The following CCDC146 variants were observed in gnomAD, a reference collection of about 807,000 sequenced individuals.
CCDC146 encodes coiled-coil domain-containing protein 146.
CCDC146 carries 92 observed loss-of-function variants against 119.3 expected under a neutral mutation model. That is an observed-to-expected ratio of 0.77 (90% confidence interval 0.65 to 0.92). The LOEUF (loss-of-function observed/expected upper bound fraction) is 0.92. Among genes scored for constraint, CCDC146 ranks in the 40% least tolerant of loss-of-function variants. CCDC146 has a pLI of 0.00. For missense variants in CCDC146, 1,000 were observed against 1,103.0 expected (o/e 0.91, Z 1.32); for synonymous variants, 372 against 371.8 (o/e 1.00, Z -0.01).
chr7:77,142,301 T>C (rs987643463), intron 1 of CCDC146, among the ~76,000 whole-genome samples: 2 of 138,946 alleles, frequency 1.4e-5, no homozygotes, highest in Admixed American at 1.5e-4. Context: ...ATGACATGAT[T>C]GTACATTTAT....
rs1469324598 is a variant in CCDC146, at chr7:77,274,464, T to C, written c.1270-18T>C. 4 of 1,429,046 alleles carry C rather than the reference T, an allele frequency of 2.8e-6. No individual in the cohort carries two copies. Among genetic ancestry groups the C allele is most frequent in the Non-Finnish European group, 2.8e-6 (3 of 1,056,522 alleles). 88.5% of individuals were successfully genotyped at this position (1,429,046 alleles called of 1,614,324 possible). ...CAAACAAATAACTTATAATATTATC[T>C]GTGTTTTTTTTCAAAAGAAAATTAT... On this transcript the variant is annotated intron_variant, in intron 10 of 18. Transcript: ENST00000285871.
chr7:77,235,170 A>G (rs1792710743), intron 2 of CCDC146, among the ~76,000 whole-genome samples: 1 of 152,178 alleles, frequency 6.6e-6, no homozygotes, highest in Admixed American at 6.5e-5. Flanking sequence ...GGATACAGTG[A>G]AGGACAAGGT....
At chr7:77,288,397 G>C (rs1793886319) in intron 17 of CCDC146, among the ~76,000 whole-genome samples, 1 of 152,224 alleles carries the variant, frequency 6.6e-6, no homozygotes, top group African/African-American at 2.4e-5. Flanking sequence ...GTCTTGCCAG[G>C]CTTCCTGTGG....
chr7:77,236,124 T>C (rs1336314304), intron 2 of CCDC146, among the ~76,000 whole-genome samples: 1 of 144,580 alleles, frequency 6.9e-6, no homozygotes, highest in Admixed American at 6.9e-5. Flanking sequence ...AAAACACAAA[T>C]ATTCTCTTTA....
intron 2 of CCDC146, among the ~76,000 whole-genome samples, chr7:77,188,067 G>A (rs562713011): frequency 6.6e-6 from 1 of 152,138 alleles, no homozygotes; most frequent in Non-Finnish European, 1.5e-5. Context: ...CCTCGCTTCC[G>A]ATTCCTGTAC....
At chr7:77,287,074 A>G (rs1487690680) in intron 16 of CCDC146, 148 bp downstream of exon 16, 7 of 892,756 alleles carry the variant, frequency 7.8e-6, no homozygotes, top group Non-Finnish European at 1.2e-5. Context: ...ATCTAGTCAT[A>G]CATTCTAAGC....
At chr7:77,235,952 TC>T (rs1254259890) in intron 2 of CCDC146, among the ~76,000 whole-genome samples, 1 of 152,002 alleles carries the variant, frequency 6.6e-6, no homozygotes, top group East Asian at 1.9e-4. Context: ...GCCCCTGTGG[TC>T]CCAGCTACTT....
intron 2 of CCDC146, among the ~76,000 whole-genome samples, chr7:77,212,949 A>ATTTTTTT (rs1562834935): frequency 1.6e-5 from 2 of 122,846 alleles, no homozygotes; most frequent in African/African-American, 6.8e-5. Flanking sequence ...AGGTCACATT[A>ATTTTTTT]ATTTTTTTTT....
intron 5 of CCDC146, among the ~76,000 whole-genome samples, chr7:77,255,727 A>C (rs1435614815): frequency 6.6e-6 from 1 of 152,140 alleles, no homozygotes; most frequent in Non-Finnish European, 1.5e-5. Flanking sequence ...TCTCTCCCAT[A>C]AGTCAAACCC....
At chr7:77,138,231 G>T (rs1174304207) in intron 1 of CCDC146, among the ~76,000 whole-genome samples, 1 of 151,310 alleles carries the variant, frequency 6.6e-6, no homozygotes, top group Non-Finnish European at 1.5e-5. Flanking sequence ...AAGGAATAAA[G>T]GCAATACAAT....
chr7:77,204,686 G>T (rs145301304), intron 2 of CCDC146, among the ~76,000 whole-genome samples: 2 of 152,288 alleles, frequency 1.3e-5, no homozygotes, highest in East Asian at 3.9e-4. Context: ...GTCTCGGAAA[G>T]TTCATCAGTC....
chr7:77,127,608 C>T (rs1790707497), intron 1 of CCDC146, among the ~76,000 whole-genome samples: 1 of 152,014 alleles, frequency 6.6e-6, no homozygotes, highest in Non-Finnish European at 1.5e-5. Context: ...ATTAGAAGGG[C>T]AAATGTTGCC....
At chr7:77,246,395 A>G (rs563025361) in intron 4 of CCDC146, 1 of 152,324 alleles carries the variant, frequency 6.6e-6, no homozygotes, top group South Asian at 2.1e-4. Context: ...CTTCACCCAT[A>G]GATCCTTAAA....
At chr7:77,239,443 T>C (rs981178673) in intron 3 of CCDC146, among the ~76,000 whole-genome samples, 1 of 152,260 alleles carries the variant, frequency 6.6e-6, no homozygotes, top group Non-Finnish European at 1.5e-5. Context: ...CCAGTAAATG[T>C]TTTGCTAGAT....
At chr7:77,158,861 C>T (rs1303177265) in intron 1 of CCDC146, among the ~76,000 whole-genome samples, 1 of 152,096 alleles carries the variant, frequency 6.6e-6, no homozygotes, top group Non-Finnish European at 1.5e-5. Flanking sequence ...TGGTTAAGTC[C>T]TTTCCTGCCT....
chr7:77,271,253 G>A (rs1584132226), intron 9 of CCDC146, among the ~76,000 whole-genome samples: 1 of 151,694 alleles, frequency 6.6e-6, no homozygotes, highest in African/African-American at 2.4e-5. Flanking sequence ...AGCTGCCGGT[G>A]TGGCTAGACT....
At chr7:77,265,208 T>C (rs1447045037) in intron 9 of CCDC146, among the ~76,000 whole-genome samples, 1 of 152,226 alleles carries the variant, frequency 6.6e-6, no homozygotes, top group African/African-American at 2.4e-5. Flanking sequence ...ATAATGTCCA[T>C]TCAAAGTACT....
chr7:77,147,648 G>T lies in CCDC146; in HGVS notation c.-11-20010G>T, dbSNP rs1222838453. ...CTAACAGTCAGGACCCTCAGCTGCA[G>T]GTCTGTTGGAGTTTGCTGGAGGTCC... is the stretch of plus-strand genomic sequence containing the variant. On this transcript the variant is annotated intron_variant, in intron 1 of 18. Coordinates refer to ENST00000285871, the MANE Select transcript of CCDC146 (RefSeq NM_020879.3). 2.6e-5 allele frequency among the ~76,000 whole-genome samples: 4 copies of T among 152,336 alleles called. 1 individual carries two copies. In the Middle Eastern group the frequency reaches 0.014, roughly 518 times the overall value.
chr7:77,142,305 C>CATTTATTT (rs34373715), intron 1 of CCDC146, among the ~76,000 whole-genome samples: 10,759 of 142,692 alleles, frequency 0.075, 338 homozygotes, highest in Non-Finnish European at 0.08. Context: ...CATGATTGTA[C>CATTTATTT]ATTTATTTAT....
Sources: gnomAD v4.1 joint callset for allele counts (sites outside exome capture counted in the v4.1 genomes callset) on GRCh38, gnomAD v4.1.1 for gene constraint, MANE v1.5 for transcripts, NCBI Gene and HGNC (gene_info 2026-07-23, HGNC 2026-07-21) for gene names.